TCF12: variants seen among roughly 807,000 people sequenced by gnomAD.
TCF12 encodes DNA-binding protein HTF4.
In TCF12, 45 loss-of-function variants were observed where a neutral mutation model predicts 86.0. The observed-to-expected ratio is 0.52, with a 90% CI of 0.41 to 0.67. TCF12 has a LOEUF of 0.67. Among genes scored for constraint, TCF12 ranks in the 30% least tolerant of loss-of-function variants. The probability of loss-of-function intolerance (pLI) is 0.00; values close to 1 mark genes in which losing one functional copy is unlikely to be tolerated. For missense variants in TCF12, 881 were observed against 859.9 expected, an observed-to-expected ratio of 1.02 and a Z score of -0.31; for synonymous variants, 330 against 299.6, an observed-to-expected ratio of 1.10 and a Z score of -1.05.
At chr15:57,222,327 T>C (rs1321222043) in intron 8 of TCF12, among the ~76,000 whole-genome samples, 1 of 151,878 alleles carries the variant, frequency 6.6e-6, no homozygotes, top group African/African-American at 2.4e-5. Flanking sequence ...CAAAGAACTT[T>C]TTTATATTTT....
intron 3 of TCF12, among the ~76,000 whole-genome samples, chr15:56,941,643 G>A (rs1438881804): frequency 6.6e-6 from 1 of 151,494 alleles, no homozygotes; most frequent in Non-Finnish European, 1.5e-5. Flanking sequence ...CCAAAGTGCT[G>A]GGATTACAGG....
At chr15:56,960,286 G>A (rs540339049) in intron 3 of TCF12, among the ~76,000 whole-genome samples, 6 of 152,244 alleles carry the variant, frequency 3.9e-5, no homozygotes, top group Non-Finnish European at 1.5e-5. Flanking sequence ...CATTTTTGCA[G>A]TAAAGTTCTA....
chr15:57,127,810 AG>A (rs1353945624), intron 5 of TCF12, among the ~76,000 whole-genome samples: 4 of 152,104 alleles, frequency 2.6e-5, no homozygotes, highest in Non-Finnish European at 5.9e-5. Flanking sequence ...ATTGGCATGT[AG>A]GGTCCTGTTT....
At chr15:57,229,312 TACCTTTAA>T (rs1376224000) in intron 8 of TCF12, among the ~76,000 whole-genome samples, 2 of 152,034 alleles carry the variant, frequency 1.3e-5, no homozygotes, top group Non-Finnish European at 2.9e-5. Context: ...ATTTGTGAAA[TACCTTTAA>T]ACCAGAAAAG....
chr15:57,104,997 C>A (rs1186933481), intron 5 of TCF12, among the ~76,000 whole-genome samples: 5 of 151,474 alleles, frequency 3.3e-5, no homozygotes. Flanking sequence ...CCTCAGCCTC[C>A]CAAGTAGCTG....
At chr15:57,225,273 G>A (rs1463963402) in intron 8 of TCF12, among the ~76,000 whole-genome samples, 2 of 112,850 alleles carry the variant, frequency 1.8e-5, no homozygotes, top group Non-Finnish European at 3.3e-5. Flanking sequence ...TTGCACTGTC[G>A]CCCAGACTGG....
At chr15:57,253,893 G>A (rs1390577482) in intron 16 of TCF12, among the ~76,000 whole-genome samples, 2 of 152,204 alleles carry the variant, frequency 1.3e-5, no homozygotes, top group Admixed American at 6.5e-5. Context: ...TTCCCGAACT[G>A]CGGGGGAGGT....
At chr15:57,266,761 G>A (rs1183688670) in intron 18 of TCF12, among the ~76,000 whole-genome samples, 1 of 152,136 alleles carries the variant, frequency 6.6e-6, no homozygotes, top group Non-Finnish European at 1.5e-5. Flanking sequence ...GTTAGGCCAG[G>A]CACAGTGGCT....
intron 3 of TCF12, among the ~76,000 whole-genome samples, chr15:57,022,818 G>T (rs1490699385): frequency 6.6e-6 from 1 of 152,172 alleles, no homozygotes; most frequent in Non-Finnish European, 1.5e-5. Context: ...CTGATGACCA[G>T]TGATGATGAG....
intron 19 of TCF12, chr15:57,281,820 A>G (rs375332455): frequency 6.5e-6 from 1 of 153,734 alleles, no homozygotes; most frequent in East Asian, 1.9e-4. Flanking sequence ...TTCATTTTAT[A>G]GTACAATGTA....
chr15:57,199,984 C>T (rs761179824), intron 8 of TCF12, among the ~76,000 whole-genome samples: 45 of 151,490 alleles, frequency 3.0e-4, no homozygotes, highest in Non-Finnish European at 6.0e-4. Context: ...TTGGCTCAAG[C>T]GACCCTTCCA....
In TCF12 at chr15:57,271,774, G is replaced by C. The variant is rs181700172; in HGVS notation, c.1746-1256G>C. Among the ~76,000 whole-genome samples, 12 of 152,072 alleles carry C rather than the reference G, an allele frequency of 7.9e-5. 1 individual carries two copies. Among genetic ancestry groups the C allele is most frequent in the Admixed American group, 4.6e-4 (7 of 15,270 alleles). ...TTTTAAGTATTTTGTTTTTGTTTTG[G>C]ATCAGCTTTATTGAGGCTTAATACA... On this transcript the variant is annotated intron_variant, in intron 18 of 20. Transcript: ENST00000333725.
intron 18 of TCF12, among the ~76,000 whole-genome samples, chr15:57,268,193 C>T (rs1338670077): frequency 1.4e-4 from 21 of 152,154 alleles, no homozygotes; most frequent in Admixed American, 1.4e-3. Context: ...AACCCAAACT[C>T]ACTAAATTAG....
intron 5 of TCF12, among the ~76,000 whole-genome samples, chr15:57,094,890 T>A (rs1237595730): frequency 6.6e-6 from 1 of 152,226 alleles, no homozygotes; most frequent in East Asian, 1.9e-4. Context: ...CACCACTGTC[T>A]TCTGTGATAG....
At chr15:57,005,453 T>A (rs1465219110) in intron 3 of TCF12, among the ~76,000 whole-genome samples, 1 of 152,236 alleles carries the variant, frequency 6.6e-6, no homozygotes, top group African/African-American at 2.4e-5. Context: ...TTCCTTCAAC[T>A]GTCTCCCATA....
At chr15:56,954,617 C>G (rs536372504) in intron 3 of TCF12, among the ~76,000 whole-genome samples, 1 of 152,160 alleles carries the variant, frequency 6.6e-6, no homozygotes, top group African/African-American at 2.4e-5. Flanking sequence ...AAGAAACTAC[C>G]ATCAGAGTGA....
At chr15:57,163,340 C>T (rs1238399814) in intron 5 of TCF12, among the ~76,000 whole-genome samples, 3 of 152,080 alleles carry the variant, frequency 2.0e-5, no homozygotes, top group Non-Finnish European at 4.4e-5. Flanking sequence ...GACTAATTGA[C>T]GTAGAAGTTT....
rs778490756 is a variant in TCF12 at position 57,115,179 on chromosome 15, A to G, written c.325+23288A>G. On this transcript the variant is annotated intron_variant, in intron 5 of 20. Coordinates refer to ENST00000333725, the MANE Select transcript of TCF12 (RefSeq NM_207037.2). ...GGTTATCCACCCTTTAACTGGAAGA[A>G]TTAAAGATCAAAGGTTCAAAGTTCT... Among the ~76,000 whole-genome samples the G allele has an allele frequency of 1.4e-3, 212 of 152,202 alleles. 6 individuals carry two copies. The highest frequency in any genetic ancestry group is 5.1e-4 in the Non-Finnish European group (35 of 68,024).
At chr15:57,109,485 G>T (rs1284537164) in intron 5 of TCF12, among the ~76,000 whole-genome samples, 2 of 152,104 alleles carry the variant, frequency 1.3e-5, no homozygotes, top group Admixed American at 1.3e-4. Flanking sequence ...GAAATTCATT[G>T]TATTTTGTTT....
Sources: gnomAD v4.1 joint callset for allele counts (sites outside exome capture counted in the v4.1 genomes callset) on GRCh38, gnomAD v4.1.1 for gene constraint, MANE v1.5 for transcripts, NCBI Gene and HGNC (gene_info 2026-07-23, HGNC 2026-07-21) for gene names.